Variants in CHN2 observed in about 807,000 individuals in gnomAD.
CHN2 encodes chimerin 2.
A neutral mutation model predicts 56.3 loss-of-function variants in CHN2; 35 were observed. That is an observed-to-expected ratio of 0.62 (90% CI 0.47 to 0.82). The LOEUF is 0.82. Ranked by LOEUF, CHN2 falls within the 40% of genes least tolerant of loss-of-function variation. The probability of loss-of-function intolerance (pLI) is 0.00; values close to 1 mark genes in which losing one functional copy is unlikely to be tolerated. For synonymous variants in CHN2, 210 were observed against 212.8 expected, an observed-to-expected ratio of 0.99 and a Z score of 0.12; for missense variants, 491 against 580.5, an observed-to-expected ratio of 0.85 and a Z score of 1.58.
At chr7:29,290,972 T>C (rs965974241) in intron 1 of CHN2, among the ~76,000 whole-genome samples, 1 of 152,160 alleles carries the variant, frequency 6.6e-6, no homozygotes. Flanking sequence ...GGGGTTTATA[T>C]GTTGGCATGC....
intron 1 of CHN2, among the ~76,000 whole-genome samples, chr7:29,321,570 C>T (rs376977175): frequency 2.3e-5 from 3 of 128,186 alleles, no homozygotes; most frequent in Non-Finnish European, 4.8e-5. Flanking sequence ...TTCTTTCTTT[C>T]TTTTTTTTTT....
intron 1 of CHN2, among the ~76,000 whole-genome samples, chr7:29,233,825 ATTTTTTTT>A (rs1175429614): frequency 1.3e-4 from 7 of 53,202 alleles, no homozygotes; most frequent in African/African-American, 2.1e-4. Context: ...CAACACCTTG[ATTTTTTTT>A]TTTTTTTTTT....
intron 6 of CHN2, among the ~76,000 whole-genome samples, chr7:29,461,084 A>G (rs538902787): frequency 6.6e-6 from 1 of 152,344 alleles, no homozygotes; most frequent in Non-Finnish European, 1.5e-5. Flanking sequence ...ATTCTCCTCC[A>G]TCTGTATTCC....
At chr7:29,382,675 C>T (rs1490354723) in intron 3 of CHN2, among the ~76,000 whole-genome samples, 1 of 152,176 alleles carries the variant, frequency 6.6e-6, no homozygotes, top group African/African-American at 2.4e-5. Flanking sequence ...CCAACAATCC[C>T]AATCCCAGTA....
chr7:29,472,040 G>A (rs1359868255), intron 6 of CHN2, among the ~76,000 whole-genome samples: 1 of 152,108 alleles, frequency 6.6e-6, no homozygotes, highest in Admixed American at 6.6e-5. Flanking sequence ...GTATGCAAGA[G>A]GGTTCAAAGT....
intron 3 of CHN2, among the ~76,000 whole-genome samples, chr7:29,379,692 A>T (rs1186337883): frequency 6.6e-6 from 1 of 152,176 alleles, no homozygotes; most frequent in Non-Finnish European, 1.5e-5. Flanking sequence ...ACTGTGTGAG[A>T]AGAGTGGCAG....
At chr7:29,420,348 TAG>T (rs1326232261) in intron 6 of CHN2, among the ~76,000 whole-genome samples, 2 of 152,202 alleles carry the variant, frequency 1.3e-5, no homozygotes, top group African/African-American at 4.8e-5. Flanking sequence ...TTATTCTCAA[TAG>T]CCAAGAGGTA....
chr7:29,402,509 A>G lies in CHN2; in HGVS notation c.576+1681A>G, dbSNP rs138780784. 7.9e-5 allele frequency among the ~76,000 whole-genome samples: 12 copies of G among 152,354 alleles called. No homozygotes were observed. The East Asian group carries it at 2.1e-3, about 27-fold the overall frequency. The stretch of plus-strand genomic sequence containing the variant: ...TTAGTCTGTTTGCAAAATCTGTTCC[A>G]AAGTAATTTAGAATAGAAAATATGA... On this transcript the variant is annotated intron_variant, in intron 6 of 12. Coordinates refer to ENST00000222792, the MANE Select transcript of CHN2 (RefSeq NM_004067.4).
At chr7:29,461,526 A>G (rs1785161390) in intron 6 of CHN2, among the ~76,000 whole-genome samples, 1 of 152,058 alleles carries the variant, frequency 6.6e-6, no homozygotes, top group African/African-American at 2.4e-5. Context: ...AAATGTTTAT[A>G]TTCTCGGGAT....
intron 3 of CHN2, among the ~76,000 whole-genome samples, chr7:29,385,861 G>A (rs1049183769): frequency 3.3e-5 from 5 of 152,244 alleles, no homozygotes; most frequent in South Asian, 2.1e-4. Flanking sequence ...CTTTTGTCTC[G>A]AGCACCCCTA....
chr7:29,338,329 G>C (rs1796781867), intron 1 of CHN2, among the ~76,000 whole-genome samples: 1 of 152,178 alleles, frequency 6.6e-6, no homozygotes, highest in South Asian at 2.1e-4. Context: ...TCATAGTGCT[G>C]TTTGGAAATG....
chr7:29,411,685 A>G (rs943822792), intron 6 of CHN2, among the ~76,000 whole-genome samples: 6 of 152,080 alleles, frequency 3.9e-5, no homozygotes, highest in African/African-American at 2.4e-5. Flanking sequence ...GCTTGGCTCA[A>G]TTAGGCAGGA....
In CHN2 at chr7:29,426,910, A is replaced by G. The variant is rs965576667; in HGVS notation, c.576+26082A>G. ...CGGTGGCTCCCATCTTCCTTCTCAC[A>G]TGGTCCCTCCGTCATCACGTCCATC... On this transcript the variant is annotated intron_variant, in intron 6 of 12. Transcript: ENST00000222792. Among the ~76,000 whole-genome samples the G allele has an allele frequency of 2.0e-5, 3 of 151,950 alleles. No homozygotes were observed. The South Asian group carries it at 6.3e-4, about 32-fold the overall frequency.
intron 6 of CHN2, among the ~76,000 whole-genome samples, chr7:29,431,961 G>A (rs1319640738): frequency 6.6e-6 from 1 of 152,234 alleles, no homozygotes; most frequent in African/African-American, 2.4e-5. Context: ...CCTGCGGGCT[G>A]ACAGCCTTGG....
chr7:29,335,808 T>C (rs1044597799), intron 1 of CHN2: 20 of 152,256 alleles, frequency 1.3e-4, no homozygotes, highest in African/African-American at 4.6e-4. Flanking sequence ...CCAATGGCTG[T>C]GCAGACATTC....
At chr7:29,266,264 T>C (rs1326732589) in intron 1 of CHN2, among the ~76,000 whole-genome samples, 1 of 152,200 alleles carries the variant, frequency 6.6e-6, no homozygotes, top group African/African-American at 2.4e-5. Flanking sequence ...TACTTCTTTC[T>C]TCTGTAACTC....
At chr7:29,248,986 T>C (rs184671852) in intron 1 of CHN2, among the ~76,000 whole-genome samples, 1 of 152,196 alleles carries the variant, frequency 6.6e-6, no homozygotes, top group African/African-American at 2.4e-5. Context: ...GTGATTCCAG[T>C]AGTCAAAAAC....
chr7:29,428,611 A>C (rs2128111649), intron 6 of CHN2, among the ~76,000 whole-genome samples: 1 of 152,304 alleles, frequency 6.6e-6, no homozygotes, highest in East Asian at 1.9e-4. Context: ...ATAGGACCAG[A>C]TGTGAGAATC....
chr7:29,187,588 G>A (rs904625514), intron 2 of CHN2, among the ~76,000 whole-genome samples: 13 of 152,022 alleles, frequency 8.6e-5, no homozygotes, highest in African/African-American at 3.1e-4. Flanking sequence ...GCTGGGTGTT[G>A]TGGTGTAATC....
Sources: allele counts gnomAD v4.1 joint callset (sites outside exome capture counted in the v4.1 genomes callset), GRCh38; gene constraint gnomAD v4.1.1; transcripts MANE v1.5; gene names NCBI Gene and HGNC (gene_info 2026-07-23, HGNC 2026-07-21).